Variants in RAB40C observed in about 807,000 individuals in gnomAD.
RAB40C encodes RAB40C, member RAS oncogene family, also known as ras-related protein Rab-40C.
Under a neutral mutation model 28.1 loss-of-function variants are expected in RAB40C, and 8 were observed. The observed-to-expected ratio is 0.28, with a 90% confidence interval of 0.17 to 0.51. The LOEUF (loss-of-function observed/expected upper bound fraction) is 0.51. Ranked by LOEUF, RAB40C falls within the 20% of genes least tolerant of loss-of-function variation. The pLI is 0.97. For missense variants in RAB40C, 288 were observed against 405.9 expected (o/e 0.71, Z 2.50); for synonymous variants, 201 against 171.7 (o/e 1.17, Z -1.34).
chr16:619,189 G>A (rs528880172), intron 3 of RAB40C, among the ~76,000 whole-genome samples: 1 of 149,290 alleles, frequency 6.7e-6, no homozygotes, highest in Non-Finnish European at 1.5e-5. Flanking sequence ...GGTGTAGTGG[G>A]TGCACTCAGG....
chr16:617,064 CCTGCCCCACTGGCTGAGTGTGGGGGAG>C, intron 1 of RAB40C, 117 bp from the exon 2 acceptor site: 10 of 837,376 alleles, frequency 1.2e-5, no homozygotes, highest in Non-Finnish European at 1.9e-5. Context: ...GAGATTTCCC[CCTGCCCCACTGGCTGAGTGTGGGGGAG>C]CTGCTTCTCC....
intron 1 of RAB40C, among the ~76,000 whole-genome samples, chr16:609,469 C>T (rs8055671): frequency 0.17 from 26,375 of 151,840 alleles, 2,519 homozygotes; most frequent in South Asian, 0.25. Context: ...CCAAAAGAAG[C>T]GGCCACGAGA....
At chr16:594,088 G>A (rs367555419) in intron 1 of RAB40C, among the ~76,000 whole-genome samples, 12 of 152,178 alleles carry the variant, frequency 7.9e-5, no homozygotes, top group South Asian at 2.1e-4. Flanking sequence ...AGCCGCTCCC[G>A]CTCTGCAGGG....
Position 627,585 on chromosome 16 carries a change from C to G in RAB40C, c.809C>G (p.Pro270Arg), listed in dbSNP as rs142169601. The G allele has an allele frequency of 6.2e-7, 1 of 1,604,570 alleles. No individual in the cohort carries two copies. The highest frequency in any genetic ancestry group is 1.3e-5 in the African/African-American group (1 of 74,706). ...SKSIRPPQSP[P>R]QNCSRSNCKI... The stretch of plus-strand genomic sequence containing the variant: ...TCCATCCGTCCACCCCAGAGCCCCC[C>G]CCAGAACTGCTCGCGGAGTAACTGC... Residue 270 changes from proline (P) to arginine (R), a missense_variant, in exon 6 of 6, where the codon CCC (proline) becomes CGC (arginine). By Grantham distance (103) the Pro-to-Arg change is moderately radical. Coordinates refer to ENST00000248139, the MANE Select transcript of RAB40C (RefSeq NM_021168.5).
chr16:615,892 G>C (rs1287376763), intron 1 of RAB40C, among the ~76,000 whole-genome samples: 1 of 151,970 alleles, frequency 6.6e-6, no homozygotes, highest in Non-Finnish European at 1.5e-5. Flanking sequence ...AACCCGGGAG[G>C]TGGAGGTTGT....
At chr16:625,188 A>C in intron 3 of RAB40C, 2 of 1,399,598 alleles carry the variant, frequency 1.4e-6, no homozygotes, top group Non-Finnish European at 1.9e-6. Context: ...AGGGAGGGGA[A>C]GCGGCATTTC....
At chr16:601,845 A>AT (rs2036258590) in intron 1 of RAB40C, among the ~76,000 whole-genome samples, 4 of 138,748 alleles carry the variant, frequency 2.9e-5, no homozygotes, top group Admixed American at 7.3e-5. Flanking sequence ...AAAAAAAAAA[A>AT]GGCCGGATGC....
At chr16:592,202 T>C (rs753018537) in intron 1 of RAB40C, among the ~76,000 whole-genome samples, 7 of 152,250 alleles carry the variant, frequency 4.6e-5, no homozygotes, top group Non-Finnish European at 8.8e-5. Flanking sequence ...CTTGGGCTCT[T>C]GTCCGTCCTG....
intron 1 of RAB40C, among the ~76,000 whole-genome samples, chr16:607,624 T>C (rs1238658758): frequency 6.7e-6 from 1 of 148,394 alleles, no homozygotes; most frequent in East Asian, 2.0e-4. Flanking sequence ...ACCCCGTCTC[T>C]ACCAAAAATA....
chr16:625,379 G>A, intron 3 of RAB40C, 53 bp from the exon 4 acceptor site: 1 of 1,593,176 alleles, frequency 6.3e-7, no homozygotes. Context: ...CCCTGGGCCT[G>A]GGCTGGCCAT....
At chr16:624,365 T>C (rs965830905) in intron 3 of RAB40C, 4 of 985,482 alleles carry the variant, frequency 4.1e-6, no homozygotes, top group African/African-American at 1.7e-5. Flanking sequence ...CTGAATCTTA[T>C]CATTTATCGC....
At chr16:626,884 G>A (rs998389317) in intron 5 of RAB40C, among the ~76,000 whole-genome samples, 2 of 152,250 alleles carry the variant, frequency 1.3e-5, no homozygotes, top group Non-Finnish European at 2.9e-5. Flanking sequence ...GTTGCAGTGA[G>A]CGGAGATCGT....
intron 1 of RAB40C, among the ~76,000 whole-genome samples, chr16:604,464 A>G (rs539965516): frequency 6.6e-6 from 1 of 151,276 alleles, no homozygotes; most frequent in African/African-American, 2.4e-5. Context: ...GTCCTTCTGA[A>G]GGTGTTTCTC....
At chr16:591,588 TTTTC>T (rs1239300392) in intron 1 of RAB40C, among the ~76,000 whole-genome samples, 48 of 152,104 alleles carry the variant, frequency 3.2e-4, no homozygotes, top group Middle Eastern at 3.4e-3. Context: ...TTTTCTTTTC[TTTTC>T]TTTCTTTTTT....
At chr16:621,188 T>C (rs1204162865) in intron 3 of RAB40C, among the ~76,000 whole-genome samples, 40 of 152,028 alleles carry the variant, frequency 2.6e-4, no homozygotes, top group Admixed American at 2.6e-3. Flanking sequence ...AGCACCTGAG[T>C]CTCCAGGCGG....
chr16:628,892 G>C lies in RAB40C; in HGVS notation c.*1270G>C, dbSNP rs962062561. ...CAGGACCCCCCGTGGTGGACTCCGC[G>C]GCACATGCTTCCCAAGGTGGTCCCA... On this transcript the variant is annotated 3_prime_UTR_variant, in exon 6 of 6. Transcript: ENST00000248139. 1 of 152,868 alleles carries C rather than the reference G, an allele frequency of 6.5e-6. No individual in the cohort carries two copies. The highest frequency in any genetic ancestry group is 1.5e-5 in the Non-Finnish European group (1 of 68,350). 9.5% of individuals were successfully genotyped at this position (152,868 alleles called of 1,614,324 possible).
At chr16:614,570 T>G (rs2036549748) in intron 1 of RAB40C, among the ~76,000 whole-genome samples, 1 of 125,750 alleles carries the variant, frequency 8.0e-6, no homozygotes, top group African/African-American at 3.1e-5. Flanking sequence ...GTGAACTGCC[T>G]AACTCTACCG....
chr16:603,224 A>G (rs1269426558), intron 1 of RAB40C, among the ~76,000 whole-genome samples: 1 of 152,236 alleles, frequency 6.6e-6, no homozygotes, highest in African/African-American at 2.4e-5. Context: ...CTAGCTTCGC[A>G]GGAAACCAGT....
Position 610,191 on chromosome 16 carries a change from A to G in RAB40C, c.143-7017A>G, listed in dbSNP as rs1029101147. Reference sequence around the variant, plus strand: ...GCGCCGGTGGCTTTGCTCTGGTGGCAGGACAGGTGTTCTGACCTCCCTGCC... The same window carrying G: ...GCGCCGGTGGCTTTGCTCTGGTGGCGGGACAGGTGTTCTGACCTCCCTGCC... On this transcript the variant is annotated intron_variant, in intron 1 of 5. Transcript: ENST00000248139. This position sits in a 1 kb window ranked among gnomAD's most constrained non-coding sequence, Gnocchi z 4.6. 6.6e-6 allele frequency among the ~76,000 whole-genome samples: 1 copy of G among 152,166 alleles called. No individual in the cohort carries two copies. The highest frequency in any genetic ancestry group is 2.1e-4 in the South Asian group (1 of 4,834).
Sources: gnomAD v4.1 joint callset for allele counts (sites outside exome capture counted in the v4.1 genomes callset) on GRCh38, gnomAD v4.1.1 for gene constraint, Gnocchi (gnomAD v3.1) non-coding constraint, MANE v1.5 for transcripts, NCBI Gene and HGNC (gene_info 2026-07-23, HGNC 2026-07-21) for gene names.